GNA14: variants seen among roughly 807,000 people sequenced by gnomAD.
The protein encoded by GNA14 is G protein subunit alpha 14, also known as guanine nucleotide-binding protein subunit alpha-14.
A neutral mutation model predicts 42.0 loss-of-function variants in GNA14; 50 were observed. The observed-to-expected ratio is 1.19, with a 90% CI of 0.95 to 1.51. The LOEUF (loss-of-function observed/expected upper bound fraction) is 1.51, where lower values mean the gene tolerates loss of function less well. Ranked by LOEUF, GNA14 falls within the 40% of genes most tolerant of loss-of-function variation. GNA14 has a pLI of 0.00. For missense variants in GNA14, 473 were observed against 446.2 expected (o/e 1.06, Z -0.54); for synonymous variants, 173 against 163.1 (o/e 1.06, Z -0.46).
At chr9:77,427,781 C>A (rs1045885400) in intron 5 of GNA14, among the ~76,000 whole-genome samples, 2 of 150,206 alleles carry the variant, frequency 1.3e-5, no homozygotes, top group African/African-American at 4.9e-5. Flanking sequence ...CCCAGCTGCC[C>A]TGAGGGAGTC....
At chr9:77,447,223 C>T (rs1835834792) in intron 2 of GNA14, among the ~76,000 whole-genome samples, 1 of 152,128 alleles carries the variant, frequency 6.6e-6, no homozygotes, top group African/African-American at 2.4e-5. Context: ...GGATTACAGG[C>T]GTGAGCCACC....
intron 2 of GNA14, among the ~76,000 whole-genome samples, chr9:77,478,173 C>A (rs1836467900): frequency 6.6e-6 from 1 of 151,380 alleles, no homozygotes; most frequent in Non-Finnish European, 1.5e-5. Context: ...GCTATCCCTC[C>A]CTCCTCCCCC....
intron 2 of GNA14, 142 bp from the exon 3 acceptor site, chr9:77,434,664 C>T: frequency 1.5e-6 from 1 of 664,152 alleles, no homozygotes. Flanking sequence ...CTCCCAGGGG[C>T]CGCTCACAGC....
chr9:77,439,291 T>C (rs978247281), intron 2 of GNA14, among the ~76,000 whole-genome samples: 5 of 152,214 alleles, frequency 3.3e-5, no homozygotes, highest in African/African-American at 1.2e-4. Context: ...AATTGGACTA[T>C]GGAATATGAA....
chr9:77,587,815 A>C (rs942091681), intron 1 of GNA14, among the ~76,000 whole-genome samples: 2 of 152,194 alleles, frequency 1.3e-5, no homozygotes, highest in African/African-American at 4.8e-5. Context: ...ACATGCACAC[A>C]AGCACACGTA....
At chr9:77,474,544 G>A (rs932433959) in intron 2 of GNA14, among the ~76,000 whole-genome samples, 2 of 152,154 alleles carry the variant, frequency 1.3e-5, no homozygotes, top group Admixed American at 6.5e-5. Flanking sequence ...CCTCATACAT[G>A]GGTGAGACTA....
chr9:77,627,027 A>C (rs1824022624), intron 1 of GNA14, among the ~76,000 whole-genome samples: 1 of 152,154 alleles, frequency 6.6e-6, no homozygotes, highest in Admixed American at 6.5e-5. Flanking sequence ...ACTCAAATAG[A>C]CACACAAAAA....
intron 1 of GNA14, among the ~76,000 whole-genome samples, chr9:77,634,496 G>A (rs1824150160): frequency 6.6e-6 from 1 of 151,082 alleles, no homozygotes; most frequent in Non-Finnish European, 1.5e-5. Flanking sequence ...AGGAAGGAAG[G>A]GAGTGAGGGA....
intron 2 of GNA14, among the ~76,000 whole-genome samples, chr9:77,453,323 G>A (rs568080403): frequency 4.6e-5 from 7 of 152,182 alleles, no homozygotes; most frequent in Admixed American, 1.3e-4. Flanking sequence ...AGCAGTAAAC[G>A]CTACTCTTTA....
At chr9:77,458,339 G>C (rs1425705755) in intron 2 of GNA14, among the ~76,000 whole-genome samples, 1 of 152,198 alleles carries the variant, frequency 6.6e-6, no homozygotes, top group Non-Finnish European at 1.5e-5. Context: ...AGCCTGGGGA[G>C]AATGTGGAAG....
chr9:77,575,318 G>A (rs186068517), intron 1 of GNA14, among the ~76,000 whole-genome samples: 6 of 152,274 alleles, frequency 3.9e-5, no homozygotes, highest in South Asian at 2.1e-4. Flanking sequence ...GAAGGCGGAC[G>A]TTGCAGTGAG....
chr9:77,549,600 C>T (rs1301857401), intron 1 of GNA14, among the ~76,000 whole-genome samples: 1 of 152,186 alleles, frequency 6.6e-6, no homozygotes, highest in African/African-American at 2.4e-5. Context: ...CCTCCCACAA[C>T]ACCTAGCCTG....
At chr9:77,625,538 C>T (rs1035514954) in intron 1 of GNA14, among the ~76,000 whole-genome samples, 2 of 152,204 alleles carry the variant, frequency 1.3e-5, no homozygotes, top group African/African-American at 4.8e-5. Flanking sequence ...GCTGATCTTT[C>T]AGCAGAAACT....
chr9:77,587,554 A>G (rs1823325057), intron 1 of GNA14, among the ~76,000 whole-genome samples: 1 of 148,058 alleles, frequency 6.8e-6, no homozygotes, highest in South Asian at 2.1e-4. Context: ...AAGACGCAAA[A>G]GTCACATAAG....
At chr9:77,499,887 A>C (rs998134176) in intron 2 of GNA14, among the ~76,000 whole-genome samples, 2 of 152,132 alleles carry the variant, frequency 1.3e-5, no homozygotes, top group Admixed American at 6.5e-5. Context: ...GGATAAAAAC[A>C]GTAAAATGAA....
intron 2 of GNA14, among the ~76,000 whole-genome samples, chr9:77,462,781 T>C (rs1836132465): frequency 1.3e-5 from 2 of 151,206 alleles, no homozygotes; most frequent in Non-Finnish European, 3.0e-5. Context: ...TGCCCCTCGA[T>C]CCCTGACTCT....
chr9:77,506,676 G>GA (rs910762748), intron 2 of GNA14, among the ~76,000 whole-genome samples: 17 of 147,270 alleles, frequency 1.2e-4, no homozygotes, highest in African/African-American at 1.7e-4. Flanking sequence ...ACTCCATCTC[G>GA]AAAAAAAAAA....
At position 77,577,513 on chromosome 9, in the gene GNA14, T is replaced by C. The variant is rs73651550; in HGVS notation, c.125-48260A>G. Among the ~76,000 whole-genome samples the C allele has an allele frequency of 8.8e-3, 1,340 of 152,288 alleles. 21 individuals are homozygous for C. The highest frequency in any genetic ancestry group is 0.03 in the African/African-American group (1,232 of 41,558). On this transcript the variant is annotated intron_variant, in intron 1 of 6. Coordinates refer to ENST00000341700, the MANE Select transcript of GNA14 (RefSeq NM_004297.4). The stretch of plus-strand genomic sequence containing the variant: ...TTTCAAAAACAAACACATCTGATCA[T>C]CCTACAAGGGTGGGGCAGCCCTCCC...
intron 1 of GNA14, among the ~76,000 whole-genome samples, chr9:77,641,357 A>G (rs1256885946): frequency 5.9e-5 from 9 of 152,026 alleles, no homozygotes; most frequent in Non-Finnish European, 1.0e-4. Flanking sequence ...GTGTCTCTCC[A>G]CAAAATTATG....
Sources: allele counts gnomAD v4.1 joint callset (sites outside exome capture counted in the v4.1 genomes callset), GRCh38; gene constraint gnomAD v4.1.1; transcripts MANE v1.5; gene names NCBI Gene and HGNC (gene_info 2026-07-23, HGNC 2026-07-21).